PSAPL1: variants seen among roughly 807,000 people sequenced by gnomAD.
The protein encoded by PSAPL1 is proactivator polypeptide-like 1.
For synonymous variants in PSAPL1, 351 were observed against 291.6 expected (o/e 1.20, Z -2.08); for missense variants, 814 against 688.8 (o/e 1.18, Z -2.03).
In PSAPL1 at chr4:7,434,216, C is replaced by T. The variant is rs191622242; in HGVS notation, c.664G>A (p.Val222Ile). 78 of 1,613,712 alleles carry T rather than the reference C, an allele frequency of 4.8e-5. No individual in the cohort carries two copies. The highest frequency in any genetic ancestry group is 2.3e-4 in the African/African-American group (17 of 75,060). Reference protein sequence around the residue: ...QCESLGPGLAVLCKNYLFQFF... With the variant: ...QCESLGPGLAILCKNYLFQFF... ...TGGAAGAGGTAGTTCTTGCAGAGGACGGCCAGGCCAGGCCCCAAGGACTCA... is the reference window on the plus strand; with the variant it reads ...TGGAAGAGGTAGTTCTTGCAGAGGATGGCCAGGCCAGGCCCCAAGGACTCA... The change falls in exon 1 of 1, where the codon GTC (valine) becomes ATC (isoleucine). Residue 222 changes from valine (V) to isoleucine (I), a missense_variant. Physicochemically the swap from Val to Ile is conservative, Grantham distance 29. Coordinates refer to ENST00000319098, the MANE Select transcript of PSAPL1 (RefSeq NM_001085382.2).
Position 7,433,357 on chromosome 4 carries a change from T to C in PSAPL1, c.1523A>G (p.His508Arg). Residue 508 changes from histidine (H) to arginine (R), a missense_variant, in exon 1 of 1, where the codon CAT becomes CGT. His to Arg is a conservative substitution (Grantham distance 29). Transcript: ENST00000319098. ...GTGGAGGTGCATCTCTTTCCATACA[T>C]GCTTCTGGCAGTGTTGCACAGCGTT... ...LCNAVQHCQKHVWKEMHLHAG... is the reference protein window; with the variant it reads ...LCNAVQHCQKRVWKEMHLHAG... The C allele has an allele frequency of 6.9e-7, 1 of 1,441,350 alleles. No homozygotes were observed. The highest frequency in any genetic ancestry group is 1.4e-5 in the African/African-American group (1 of 69,946). 89.3% of individuals were successfully genotyped at this position (1,441,350 alleles called of 1,614,324 possible).
In PSAPL1 at chr4:7,431,530, A is replaced by C. The variant is rs1298296106; in HGVS notation, c.*1784T>G. The C allele has an allele frequency of 6.6e-6, 1 of 152,274 alleles. No homozygotes were observed. Among genetic ancestry groups the C allele is most frequent in the Non-Finnish European group, 1.5e-5 (1 of 68,118 alleles). 9.4% of individuals were successfully genotyped at this position (152,274 alleles called of 1,614,324 possible). Reference sequence around the variant, plus strand: ...CAGGTGGGAACACCTACCGGCAGGCAGACAGAGAGCCTCTGGGGCTGCTCC... The same window carrying C: ...CAGGTGGGAACACCTACCGGCAGGCCGACAGAGAGCCTCTGGGGCTGCTCC... On this transcript the variant is annotated 3_prime_UTR_variant, in exon 1 of 1. Transcript: ENST00000319098.
chr4:7,432,892 T>G lies in PSAPL1; in HGVS notation c.*422A>C. ...CAAGAGGTAATGACCCTACTAGTGA[T>G]GGGCCCTCGAAGCCTCCGTCCACCC... On this transcript the variant is annotated 3_prime_UTR_variant, in exon 1 of 1. Transcript: ENST00000319098. 1 of 157,900 alleles carries G rather than the reference T, an allele frequency of 6.3e-6. No individual in the cohort carries two copies. The allele number at this position is 157,900 out of a possible 1,614,324, so 9.8% of individuals were successfully genotyped here.
In PSAPL1 at chr4:7,434,409, G is replaced by T. The variant is rs1425949055; in HGVS notation, c.471C>A (p.Asp157Glu). 1 of 1,608,204 alleles carries T rather than the reference G, an allele frequency of 6.2e-7. No homozygotes were observed. The highest frequency in any genetic ancestry group is 8.5e-7 in the Non-Finnish European group (1 of 1,177,996). ...LATLRPLSKE[D>E]TFEAVAPFMA... ...TGAACGGAGCCACAGCCTCAAAGGTGTCCTCTTTGGAGAGTGGCCTCAGGG... is the reference window on the plus strand; with the variant it reads ...TGAACGGAGCCACAGCCTCAAAGGTTTCCTCTTTGGAGAGTGGCCTCAGGG... The change falls in exon 1 of 1, where the codon GAC (aspartate) becomes GAA (glutamate). Residue 157 changes from aspartate (D) to glutamate (E), a missense_variant. Physicochemically the swap from Asp to Glu is conservative, Grantham distance 45. Coordinates refer to ENST00000319098, the MANE Select transcript of PSAPL1 (RefSeq NM_001085382.2).
In PSAPL1 at chr4:7,434,261, A is replaced by C; in HGVS notation, c.619T>G (p.Leu207Val). ...GACTCACACTGCTCCTGGATGTTCA[A>C]GTCGGCCAAGGTCAAGTTGGACCGG... ...AVRSNLTLAD[L>V]NIQEQCESLG... Residue 207 changes from leucine to valine, a missense_variant, in exon 1 of 1, where the codon TTG (leucine) becomes GTG (valine). Leu to Val is a conservative substitution (Grantham distance 32, BLOSUM62 1). Coordinates refer to ENST00000319098, the MANE Select transcript of PSAPL1 (RefSeq NM_001085382.2). 6.2e-7 allele frequency: 1 copy of C among 1,613,446 alleles called. No homozygotes were observed. Among genetic ancestry groups the C allele is most frequent in the Non-Finnish European group, 8.5e-7 (1 of 1,179,880 alleles).
Position 7,434,095 on chromosome 4 carries a change from C to A in PSAPL1, c.785G>T (p.Arg262Leu). The A allele has an allele frequency of 6.2e-7, 1 of 1,611,424 alleles. No individual in the cohort carries two copies. The highest frequency in any genetic ancestry group is 1.1e-5 in the South Asian group (1 of 90,818). Residue 262 changes from arginine to leucine, a missense_variant, in exon 1 of 1, where the codon CGT (arginine) becomes CTT (leucine). Physicochemically the swap from Arg to Leu is moderately radical, Grantham distance 102. Transcript: ENST00000319098. ...GTCCATGGCCACTACTTGAGTCAAACGGGCAGGTGCCCCTAGCTCCTCACA... is the reference window on the plus strand; with the variant it reads ...GTCCATGGCCACTACTTGAGTCAAAAGGGCAGGTGCCCCTAGCTCCTCACA... ...GFCEELGAPA[R>L]LTQVVAMDGV...
rs1726767489 is a variant in PSAPL1, at chr4:7,430,517, GGCCTCC to G, written c.*2791_*2796del. 1.3e-5 allele frequency: 2 copies of G among 152,266 alleles called. No individual in the cohort carries two copies. The highest frequency in any genetic ancestry group is 4.1e-4 in the South Asian group (2 of 4,828). The allele number at this position is 152,266 out of a possible 1,614,324, so 9.4% of individuals were successfully genotyped here. ...TCCATAGGTGTTCTGGGACGTCCCA[GGCCTCC>G]GCCTTACGATGGCATCTGAAGAATG... On this transcript the variant is annotated 3_prime_UTR_variant, in exon 1 of 1. Coordinates refer to ENST00000319098, the MANE Select transcript of PSAPL1 (RefSeq NM_001085382.2).
rs764209016 is a variant in PSAPL1 at position 7,433,684 on chromosome 4, C to T, written c.1196G>A (p.Cys399Tyr). 3.1e-6 allele frequency: 5 copies of T among 1,612,148 alleles called. No individual in the cohort carries two copies. Among genetic ancestry groups the T allele is most frequent in the Admixed American group, 1.7e-5 (1 of 59,930 alleles). The change falls in exon 1 of 1, where the codon TGC becomes TAC. Residue 399 changes from cysteine to tyrosine, a missense_variant. Physicochemically the swap from Cys to Tyr is radical, Grantham distance 194. Transcript: ENST00000319098. The part of the protein sequence containing the change: ...AENQGSFCNG[C>Y]KRLLTVSSHN... ...GGAGGACACCGTGAGCAGCCTCTTG[C>T]ACCCATTGCAGAAGCTGCCCTGGTT...
At position 7,434,247 on chromosome 4, in the gene PSAPL1, C is replaced by T; in HGVS notation, c.633G>A (p.Glu211=). 1 of 1,613,550 alleles carries T rather than the reference C, an allele frequency of 6.2e-7. No homozygotes were observed. The highest frequency in any genetic ancestry group is 8.5e-7 in the Non-Finnish European group (1 of 1,179,892). The change falls in exon 1 of 1, where the codon GAG becomes GAA. Residue 211 remains glutamate (E), a synonymous_variant. Coordinates refer to ENST00000319098, the MANE Select transcript of PSAPL1 (RefSeq NM_001085382.2). ...NLTLADLNIQ[E]QCESLGPGLA... ...GGCCAGGCCCCAAGGACTCACACTG[C>T]TCCTGGATGTTCAAGTCGGCCAAGG...
In PSAPL1 at chr4:7,430,595, C is replaced by A. The variant is rs1726773763; in HGVS notation, c.*2719G>T. On this transcript the variant is annotated 3_prime_UTR_variant, in exon 1 of 1. Transcript: ENST00000319098. ...GGTGCAGGTACTTGCTCGGCTCTGG[C>A]AGCCCGGCGGGAGCCCTCTCCCTCC... is the stretch of plus-strand genomic sequence containing the variant. 1 of 152,248 alleles carries A rather than the reference C, an allele frequency of 6.6e-6. No homozygotes were observed. Among genetic ancestry groups the A allele is most frequent in the African/African-American group, 2.4e-5 (1 of 41,444 alleles). The allele number at this position is 152,248 out of a possible 1,614,324, so 9.4% of individuals were successfully genotyped here.
Position 7,433,897 on chromosome 4 carries a change from A to C in PSAPL1, c.983T>G (p.Met328Arg). The C allele has an allele frequency of 6.2e-7, 1 of 1,613,818 alleles. No homozygotes were observed. Among genetic ancestry groups the C allele is most frequent in the Non-Finnish European group, 8.5e-7 (1 of 1,179,874 alleles). Residue 328 changes from methionine to arginine, a missense_variant, in exon 1 of 1, where the codon ATG becomes AGG. Physicochemically the swap from Met to Arg is moderately conservative, Grantham distance 91. Transcript: ENST00000319098. Reference protein sequence around the residue: ...THALERVCSVMPASITKECII... With the variant: ...THALERVCSVRPASITKECII... ...GCACTCCTTCGTGATAGAGGCAGGC[A>C]TTACCGAGCACACGCGCTCCAGGGC... is the stretch of plus-strand genomic sequence containing the variant.
In PSAPL1 at chr4:7,434,313, C is replaced by A. The variant is rs750875981; in HGVS notation, c.567G>T (p.Arg189=). 6.2e-7 allele frequency: 1 copy of A among 1,611,570 alleles called. No individual in the cohort carries two copies. The highest frequency in any genetic ancestry group is 1.1e-5 in the South Asian group (1 of 90,752). ...CAGCCTCCTGGAGTCGGGAGACCTGCCGTACACAGTCTTGGCACAGAGCTC... is the reference window on the plus strand; with the variant it reads ...CAGCCTCCTGGAGTCGGGAGACCTGACGTACACAGTCTTGGCACAGAGCTC... ...PEGALCQDCV[R]QVSRLQEAVR... The change falls in exon 1 of 1, where the codon CGG becomes CGT. Residue 189 remains arginine (R), a synonymous_variant. Transcript: ENST00000319098.
chr4:7,433,548 C>T lies in PSAPL1; in HGVS notation c.1332G>A (p.Gln444=). The change falls in exon 1 of 1, where the codon CAG becomes CAA. Residue 444 remains glutamine (Q), a synonymous_variant. Transcript: ENST00000319098. ...GACTCTCAATGAGCACGGGCTCGTA[C>T]TGGGTGACGAAGTGCTTGCACTGGA... is the stretch of plus-strand genomic sequence containing the variant. The part of the protein sequence containing the change: ...YMIQCKHFVT[Q]YEPVLIESLK... 1 of 1,610,804 alleles carries T rather than the reference C, an allele frequency of 6.2e-7. No individual in the cohort carries two copies. Among genetic ancestry groups the T allele is most frequent in the African/African-American group, 1.3e-5 (1 of 75,030 alleles).
Position 7,434,510 on chromosome 4 carries a change from C to T in PSAPL1, c.370G>A (p.Gly124Arg), listed in dbSNP as rs771234442. Residue 124 changes from glycine (G) to arginine (R), a missense_variant, in exon 1 of 1, where the codon GGG becomes AGG. Transcript: ENST00000319098. ...TGTGCCGGGGCACTGTCCGGGGCCC[C>T]ACGGAGCATGCTCAGGATGGCCGAA... ...HSSAILSMLR[G>R]APDSAPAQVC... is the part of the protein sequence containing the mutation. 6.2e-7 allele frequency: 1 copy of T among 1,612,740 alleles called. No individual in the cohort carries two copies. Among genetic ancestry groups the T allele is most frequent in the Non-Finnish European group, 8.5e-7 (1 of 1,179,806 alleles).
rs543194313 is a variant in PSAPL1 at position 7,431,694 on chromosome 4, C to T, written c.*1620G>A. The T allele has an allele frequency of 2.0e-5, 3 of 152,360 alleles. No individual in the cohort carries two copies. The East Asian group carries it at 5.8e-4, about 29-fold the overall frequency. The allele number at this position is 152,360 out of a possible 1,614,324, so 9.4% of individuals were successfully genotyped here. On this transcript the variant is annotated 3_prime_UTR_variant, in exon 1 of 1. Coordinates refer to ENST00000319098, the MANE Select transcript of PSAPL1 (RefSeq NM_001085382.2). ...AGGCACGACCACCACCCCTTGCTGGCCTTATCTTTTGTGGGACTGCCCAGC... is the reference window on the plus strand; with the variant it reads ...AGGCACGACCACCACCCCTTGCTGGTCTTATCTTTTGTGGGACTGCCCAGC...
rs745451911 is a variant in PSAPL1, at chr4:7,434,703, C to T, written c.177G>A (p.Ala59=). The T allele has an allele frequency of 1.7e-5, 28 of 1,612,756 alleles. No individual in the cohort carries two copies. In the East Asian group the frequency reaches 1.8e-4, roughly 10 times the overall value. Residue 59 remains alanine, a synonymous_variant, in exon 1 of 1, where the codon GCG becomes GCA. Transcript: ENST00000319098. ...CQGAVWNKPT[A]KSLPCDVCQD... is the part of the protein sequence containing the mutation. ...GGCATACGTCGCAGGGCAGAGACTT[C>T]GCGGTGGGTTTGTTCCATACGGCCC...
chr4:7,433,504 G>A lies in PSAPL1; in HGVS notation c.1376C>T (p.Pro459Leu), dbSNP rs1219165796. The change falls in exon 1 of 1, where the codon CCC (proline) becomes CTC (leucine). Residue 459 changes from proline to leucine, a missense_variant. Coordinates refer to ENST00000319098, the MANE Select transcript of PSAPL1 (RefSeq NM_001085382.2). ...LIESLKDMMD[P>L]VAVCKKVGAC... ...CCCCACCTTCTTGCACACAGCCACG[G>A]GGTCCATCATGTCCTTGAGACTCTC... 3 of 1,603,492 alleles carry A rather than the reference G, an allele frequency of 1.9e-6. No individual in the cohort carries two copies. The highest frequency in any genetic ancestry group is 2.2e-5 in the East Asian group (1 of 44,548).
chr4:7,431,833 C>A lies in PSAPL1; in HGVS notation c.*1481G>T, dbSNP rs10011121. 22,727 of 152,198 alleles carry A rather than the reference C, an allele frequency of 0.15. 1,754 individuals are homozygous for A. Among genetic ancestry groups the A allele is most frequent in the Non-Finnish European group, 0.18 (12,516 of 67,998 alleles). The allele number at this position is 152,198 out of a possible 1,614,324, so 9.4% of individuals were successfully genotyped here. The stretch of plus-strand genomic sequence containing the variant: ...CAGGTCTGCGACGTTTACTTAAGAG[C>A]TCGGGTGTGGCCTCTTGGAAAACAG... On this transcript the variant is annotated 3_prime_UTR_variant, in exon 1 of 1. Coordinates refer to ENST00000319098, the MANE Select transcript of PSAPL1 (RefSeq NM_001085382.2).
chr4:7,433,846 G>C lies in PSAPL1; in HGVS notation c.1034C>G (p.Pro345Arg), dbSNP rs1376221732. The change falls in exon 1 of 1, where the codon CCC becomes CGC. Residue 345 changes from proline (P) to arginine (R), a missense_variant. Physicochemically the swap from Pro to Arg is moderately radical, Grantham distance 103 (BLOSUM62 -2). Coordinates refer to ENST00000319098, the MANE Select transcript of PSAPL1 (RefSeq NM_001085382.2). The part of the protein sequence containing the change: ...ECIILVDTYS[P>R]SLVQLVAKIT... ...TTTGGCCACAAGCTGCACCAAGGAG[G>C]GGCTGTAGGTGTCCACCAAGATGAT... 6 of 1,613,774 alleles carry C rather than the reference G, an allele frequency of 3.7e-6. No individual in the cohort carries two copies. Among genetic ancestry groups the C allele is most frequent in the Non-Finnish European group, 5.1e-6 (6 of 1,179,898 alleles).
Sources: allele counts gnomAD v4.1 joint callset, GRCh38; gene constraint gnomAD v4.1.1; transcripts MANE v1.5; gene names NCBI Gene and HGNC (gene_info 2026-07-23, HGNC 2026-07-21).